The following DIP2C variants were observed in gnomAD, a reference collection of about 807,000 sequenced individuals.
The protein encoded by DIP2C is DIP2 acetate--CoA ligase C (putative).
In DIP2C, 33 loss-of-function variants were observed where a neutral mutation model predicts 192.4. That is an observed-to-expected ratio of 0.17 (90% confidence interval 0.13 to 0.23). The LOEUF is 0.23. Ranked by LOEUF, DIP2C falls within the 10% of genes least tolerant of loss-of-function variation. DIP2C has a pLI of 1.00. For missense variants in DIP2C, 1,537 were observed against 2,110.1 expected, an observed-to-expected ratio of 0.73 and a Z score of 5.32; for synonymous variants, 979 against 864.1, an observed-to-expected ratio of 1.13 and a Z score of -2.33.
At chr10:444,932 G>A (rs1179045633) in intron 3 of DIP2C, among the ~76,000 whole-genome samples, 8 of 152,180 alleles carry the variant, frequency 5.3e-5, no homozygotes, top group Non-Finnish European at 1.2e-4. Flanking sequence ...TCTCTCCTTG[G>A]TGAACATCTA....
chr10:511,950 T>C (rs900631379), intron 1 of DIP2C, among the ~76,000 whole-genome samples: 1 of 152,214 alleles, frequency 6.6e-6, no homozygotes, highest in Non-Finnish European at 1.5e-5. Flanking sequence ...GCTGGCCGAC[T>C]GCGGGAGAAG....
rs1419785794 is a variant in DIP2C, at chr10:652,787, T to C, written c.85+36707A>G. 1.4e-5 allele frequency: 2 copies of C among 143,166 alleles called. No individual in the cohort carries two copies. Among genetic ancestry groups the C allele is most frequent in the Admixed American group, 1.4e-4 (2 of 14,450 alleles). The allele number at this position is 143,166 out of a possible 1,614,324, so 8.9% of individuals were successfully genotyped here. On this transcript the variant is annotated intron_variant, in intron 1 of 36. Coordinates refer to ENST00000280886, the MANE Select transcript of DIP2C (RefSeq NM_014974.3). The surrounding 1 kb of genome is among the most constrained non-coding windows in gnomAD (Gnocchi z 4.5). ...AAGCACAGAACCGCACGCAGAGTGA[T>C]TTTTTTTTTTTTAAACAGAAATGGC... is the stretch of plus-strand genomic sequence containing the variant.
At chr10:573,282 A>C (rs1220562257) in intron 1 of DIP2C, among the ~76,000 whole-genome samples, 1 of 152,198 alleles carries the variant, frequency 6.6e-6, no homozygotes, top group Non-Finnish European at 1.5e-5. Flanking sequence ...GCAGCAATAT[A>C]TTGCTACAAT....
chr10:671,284 G>A (rs1462760206), intron 1 of DIP2C, among the ~76,000 whole-genome samples: 2 of 152,322 alleles, frequency 1.3e-5, no homozygotes, highest in African/African-American at 4.8e-5. Context: ...CAGGCTCACA[G>A]ACAGAGGAAA....
chr10:496,597 C>G (rs1299417912), intron 1 of DIP2C, among the ~76,000 whole-genome samples: 1 of 151,136 alleles, frequency 6.6e-6, no homozygotes, highest in Non-Finnish European at 1.5e-5. Context: ...TACTTAAAAT[C>G]TGTACATTAC....
At chr10:547,080 A>G (rs2130926824) in intron 1 of DIP2C, among the ~76,000 whole-genome samples, 1 of 152,310 alleles carries the variant, frequency 6.6e-6, no homozygotes, top group South Asian at 2.1e-4. Context: ...CTGAGCTAAG[A>G]TAACCATCAA....
chr10:587,086 G>A (rs527240195), intron 1 of DIP2C, among the ~76,000 whole-genome samples: 43 of 143,624 alleles, frequency 3.0e-4, no homozygotes, highest in South Asian at 8.8e-4. Context: ...GTCTAAGGCC[G>A]GACCACCCGG....
intron 13 of DIP2C, among the ~76,000 whole-genome samples, chr10:389,420 C>A (rs1963275175): frequency 6.6e-6 from 1 of 152,176 alleles, no homozygotes; most frequent in African/African-American, 2.4e-5. Flanking sequence ...CTTTGCCTCC[C>A]ATACCAGCCC....
intron 1 of DIP2C, among the ~76,000 whole-genome samples, chr10:581,487 T>G (rs1850660720): frequency 6.6e-6 from 1 of 152,192 alleles, no homozygotes; most frequent in Admixed American, 6.5e-5. Flanking sequence ...ATTTGAAGAT[T>G]TTTAAGTTGC....
In DIP2C at chr10:423,023, A is replaced by G; in HGVS notation, c.405T>C (p.Ser135=). The G allele has an allele frequency of 6.2e-7, 1 of 1,609,318 alleles. No individual in the cohort carries two copies. The highest frequency in any genetic ancestry group is 1.3e-5 in the African/African-American group (1 of 74,966). ...MDAYTPPDTS[S]GSEDEGSVQG... is the part of the protein sequence containing the mutation. ...GCACTGAGCCTTCATCTTCTGAGCC[A>G]GAAGAGGTATCTGTGTAAGAAGAAA... Residue 135 remains serine (S), a synonymous_variant, in exon 5 of 37, where the codon TCT becomes TCC. Transcript: ENST00000280886.
At chr10:312,272 C>A (rs945623227) in intron 31 of DIP2C, among the ~76,000 whole-genome samples, 10 of 152,220 alleles carry the variant, frequency 6.6e-5, no homozygotes, top group Non-Finnish European at 1.3e-4. Flanking sequence ...AAATAATCTA[C>A]CCCAGCTGCT....
intron 1 of DIP2C, among the ~76,000 whole-genome samples, chr10:506,600 G>A (rs1438105471): frequency 2.0e-5 from 3 of 152,162 alleles, no homozygotes; most frequent in East Asian, 1.9e-4. Flanking sequence ...ACATGCAGAA[G>A]GCACTCCCAG....
intron 1 of DIP2C, among the ~76,000 whole-genome samples, chr10:604,511 T>G (rs954650929): frequency 5.9e-5 from 9 of 152,230 alleles, no homozygotes; most frequent in Non-Finnish European, 1.0e-4. Context: ...AAGTACAGTG[T>G]GCCTGTAGTT....
At chr10:679,867 C>A (rs1335611411) in intron 1 of DIP2C, among the ~76,000 whole-genome samples, 2 of 152,318 alleles carry the variant, frequency 1.3e-5, no homozygotes, top group South Asian at 4.1e-4. Context: ...GTCACTGTCA[C>A]CTGGAATCGC....
At chr10:541,520 C>G (rs1462158463) in intron 1 of DIP2C, among the ~76,000 whole-genome samples, 2 of 147,002 alleles carry the variant, frequency 1.4e-5, no homozygotes, top group African/African-American at 5.1e-5. Flanking sequence ...TCCACACTGA[C>G]CACACCCATC....
chr10:669,485 T>G (rs1857311629), intron 1 of DIP2C: 1 of 152,174 alleles, frequency 6.6e-6, no homozygotes. Context: ...CTGGAGAACC[T>G]CCCTGCATTA....
intron 16 of DIP2C, among the ~76,000 whole-genome samples, chr10:383,349 G>C (rs78125778): frequency 6.6e-6 from 1 of 152,150 alleles, no homozygotes; most frequent in Non-Finnish European, 1.5e-5. Context: ...TTACAAACAT[G>C]AACGTTGCAT....
chr10:533,256 C>T (rs187575745), intron 1 of DIP2C, among the ~76,000 whole-genome samples: 4 of 152,160 alleles, frequency 2.6e-5, no homozygotes, highest in Middle Eastern at 3.4e-3. Flanking sequence ...TTGAAATTCC[C>T]GTGTTAGAAT....
At chr10:318,529 A>G (rs1337072590) in intron 31 of DIP2C, among the ~76,000 whole-genome samples, 1 of 152,202 alleles carries the variant, frequency 6.6e-6, no homozygotes, top group Non-Finnish European at 1.5e-5. Context: ...CGGTTCCCAT[A>G]GGCAGGTTCC....
Sources: allele counts gnomAD v4.1 joint callset (sites outside exome capture counted in the v4.1 genomes callset), GRCh38; gene constraint gnomAD v4.1.1; non-coding constraint Gnocchi (gnomAD v3.1); transcripts MANE v1.5; gene names NCBI Gene and HGNC (gene_info 2026-07-23, HGNC 2026-07-21).